Variants in PDE10A observed in about 807,000 individuals in gnomAD.
The protein encoded by PDE10A is cAMP and cAMP-inhibited cGMP 3',5'-cyclic phosphodiesterase 10A.
In PDE10A, 39 loss-of-function variants were observed where a neutral mutation model predicts 97.7. That is an observed-to-expected ratio of 0.40 (90% confidence interval 0.31 to 0.52). The LOEUF is 0.52. Ranked by LOEUF, PDE10A falls within the 20% of genes least tolerant of loss-of-function variation. The pLI, the probability that PDE10A is intolerant of heterozygous loss-of-function variation, is 0.56. For synonymous variants in PDE10A, 371 were observed against 376.8 expected, an observed-to-expected ratio of 0.98 and a Z score of 0.18; for missense variants, 731 against 1,047.8, an observed-to-expected ratio of 0.70 and a Z score of 4.17.
At chr6:165,789,709 GT>G (rs1262171537) in intron 1 of PDE10A, among the ~76,000 whole-genome samples, 1 of 152,194 alleles carries the variant, frequency 6.6e-6, no homozygotes, top group Non-Finnish European at 1.5e-5. Context: ...GGTCACTAGA[GT>G]TTGCCTTTGC....
intron 1 of PDE10A, among the ~76,000 whole-genome samples, chr6:165,907,242 G>A (rs1222828823): frequency 6.6e-6 from 1 of 152,224 alleles, no homozygotes. Context: ...CGCCGTGGTT[G>A]CAGGATTCAC....
At position 165,946,253 on chromosome 6, in the gene PDE10A, T is replaced by C. The variant is rs535735336; in HGVS notation, c.-615+41276A>G. ...GGCTCATGCCTGTAATCCCAGCACT[T>C]TGGGAGACTGAGGCGGGTGGATCAC... is the stretch of plus-strand genomic sequence containing the variant. On this transcript the variant is annotated intron_variant, in intron 1 of 19. Transcript: ENST00000366882. 1.2e-4 allele frequency among the ~76,000 whole-genome samples: 18 copies of C among 152,262 alleles called. No homozygotes were observed. The South Asian group carries it at 2.7e-3, about 23-fold the overall frequency.
chr6:165,444,305 G>T (rs951421049), intron 5 of PDE10A, among the ~76,000 whole-genome samples: 5 of 152,096 alleles, frequency 3.3e-5, no homozygotes, highest in South Asian at 2.1e-4. Flanking sequence ...AGAATTCTTA[G>T]ACAGAAATTA....
At chr6:165,493,551 G>A (rs924988922) in intron 2 of PDE10A, among the ~76,000 whole-genome samples, 2 of 152,094 alleles carry the variant, frequency 1.3e-5, no homozygotes, top group African/African-American at 4.8e-5. Flanking sequence ...ACTGTCAAGT[G>A]ATTTTTGACA....
intron 2 of PDE10A, among the ~76,000 whole-genome samples, chr6:165,510,477 T>C (rs192120242): frequency 2.6e-5 from 4 of 152,144 alleles, no homozygotes; most frequent in East Asian, 1.9e-4. Flanking sequence ...GAGATAGATA[T>C]ACTGGCCTGT....
At chr6:165,935,530 C>T (rs1414822881) in intron 1 of PDE10A, among the ~76,000 whole-genome samples, 1 of 152,142 alleles carries the variant, frequency 6.6e-6, no homozygotes, top group Non-Finnish European at 1.5e-5. Context: ...TGGGCAAAAT[C>T]CCAGGCAAGA....
intron 5 of PDE10A, among the ~76,000 whole-genome samples, chr6:165,446,426 GTCT>G (rs1790852894): frequency 6.6e-6 from 1 of 152,138 alleles, no homozygotes; most frequent in African/African-American, 2.4e-5. Flanking sequence ...CTCAGCCAAA[GTCT>G]TCTTCCTACC....
intron 2 of PDE10A, among the ~76,000 whole-genome samples, chr6:165,537,410 T>C (rs920843151): frequency 1.3e-5 from 2 of 151,966 alleles, no homozygotes; most frequent in Non-Finnish European, 2.9e-5. Context: ...AATAGTAGAT[T>C]TGGGATATTC....
At chr6:165,375,781 C>A (rs924479674) in intron 18 of PDE10A, among the ~76,000 whole-genome samples, 1 of 152,150 alleles carries the variant, frequency 6.6e-6, no homozygotes, top group Non-Finnish European at 1.5e-5. Flanking sequence ...TTTACCATTT[C>A]AAAAATTCTA....
At chr6:165,946,475 C>T (rs1436707240) in intron 1 of PDE10A, among the ~76,000 whole-genome samples, 1 of 141,030 alleles carries the variant, frequency 7.1e-6, no homozygotes, top group South Asian at 2.3e-4. Flanking sequence ...GCCTGGGTGA[C>T]AGAGCAAGAC....
rs140748992 is a variant in PDE10A at position 165,416,593 on chromosome 6, C to T, written c.1797-312G>A. Reference sequence around the variant, plus strand: ...GCGAAGCACCTTATAATTTACAAGACGCTTCAACATAAATTTTTTTAGTGG... The same window carrying T: ...GCGAAGCACCTTATAATTTACAAGATGCTTCAACATAAATTTTTTTAGTGG... On this transcript the variant is annotated intron_variant, in intron 11 of 21. Transcript: ENST00000539869. Among the ~76,000 whole-genome samples the T allele has an allele frequency of 6.1e-4, 93 of 152,202 alleles. 2 individuals are homozygous for T. Among genetic ancestry groups the T allele is most frequent in the Admixed American group, 4.6e-3 (70 of 15,284 alleles).
intron 1 of PDE10A, among the ~76,000 whole-genome samples, chr6:165,692,781 A>G (rs1791338846): frequency 6.6e-6 from 1 of 152,182 alleles, no homozygotes; most frequent in South Asian, 2.1e-4. Context: ...TATTGTATCC[A>G]CCTTTCCCTT....
rs183885759 is a variant in PDE10A, at chr6:165,871,294, G to A, written c.-615+116235C>T. Among the ~76,000 whole-genome samples, 181 of 152,286 alleles carry A rather than the reference G, an allele frequency of 1.2e-3. 3 individuals carry two copies. The highest frequency in any genetic ancestry group is 9.3e-3 in the East Asian group (48 of 5,182). On this transcript the variant is annotated intron_variant, in intron 1 of 19. Coordinates refer to the PDE10A transcript ENST00000366882. ...GGATGAATCTCGCAAATATTGTGCT[G>A]AATAAAAACTTTATACAAATAAAAA...
chr6:165,609,503 G>A (rs1278158033), intron 1 of PDE10A, among the ~76,000 whole-genome samples: 1 of 152,136 alleles, frequency 6.6e-6, no homozygotes, highest in Admixed American at 6.5e-5. Flanking sequence ...GGAAGTTCTG[G>A]CCAGGGCAAT....
At chr6:165,927,689 TG>T (rs1373866167) in intron 1 of PDE10A, among the ~76,000 whole-genome samples, 15 of 139,058 alleles carry the variant, frequency 1.1e-4, no homozygotes, top group Non-Finnish European at 1.4e-4. Context: ...GTTTTTTGTT[TG>T]TTTGTTTGTT....
Position 165,374,225 on chromosome 6 carries a change from TATG to T in PDE10A, c.2783+4966_2783+4968del, listed in dbSNP as rs545380340. On this transcript the variant is annotated intron_variant, in intron 18 of 21. Transcript: ENST00000539869. ...TGCACATGTACCCTAAAACTTGAAG[TATG>T]ATAATAATAATAAAAAAATTAAATC... Among the ~76,000 whole-genome samples the T allele has an allele frequency of 4.6e-3, 697 of 151,246 alleles. 7 individuals carry two copies. Among genetic ancestry groups the T allele is most frequent in the African/African-American group, 0.016 (644 of 41,262 alleles).
At chr6:165,830,181 T>C (rs185293491) in intron 1 of PDE10A, among the ~76,000 whole-genome samples, 4 of 152,188 alleles carry the variant, frequency 2.6e-5, no homozygotes, top group East Asian at 1.9e-4. Flanking sequence ...ACAATGAAAA[T>C]AGAAGAATCA....
intron 1 of PDE10A, among the ~76,000 whole-genome samples, chr6:165,900,562 C>T (rs928248197): frequency 2.0e-5 from 3 of 152,294 alleles, no homozygotes; most frequent in Admixed American, 2.0e-4. Flanking sequence ...CCCTCTCTGT[C>T]TCTCTCTTTC....
intron 1 of PDE10A, among the ~76,000 whole-genome samples, chr6:165,771,132 G>T (rs1156786114): frequency 6.6e-6 from 1 of 152,220 alleles, no homozygotes; most frequent in Non-Finnish European, 1.5e-5. Context: ...ATGGCTGAAA[G>T]AAAGGGCACC....
Sources: gnomAD v4.1 joint callset for allele counts (sites outside exome capture counted in the v4.1 genomes callset) on GRCh38, gnomAD v4.1.1 for gene constraint, MANE v1.5 for transcripts, NCBI Gene and HGNC (gene_info 2026-07-23, HGNC 2026-07-21) for gene names.